Variants in BCAS3 observed in about 807,000 individuals in gnomAD.
The protein encoded by BCAS3 is BCAS3 microtubule associated cell migration factor.
BCAS3 carries 53 observed loss-of-function variants against 116.1 expected under a neutral mutation model. The observed-to-expected ratio is 0.46, with a 90% CI of 0.37 to 0.57. The LOEUF (loss-of-function observed/expected upper bound fraction) is 0.57, where lower values mean the gene tolerates loss of function less well. BCAS3 is among the 20% of genes least tolerant of loss of function. BCAS3 has a pLI of 0.00. For synonymous variants in BCAS3, 391 were observed against 408.2 expected (o/e 0.96, Z 0.51); for missense variants, 917 against 1,165.4 (o/e 0.79, Z 3.10).
rs2073170129 is a variant in BCAS3, at chr17:61,087,332, T to G, written c.2425+2768T>G. 2.1e-6 allele frequency: 1 copy of G among 487,396 alleles called. No homozygotes were observed. 30.2% of individuals were successfully genotyped at this position (487,396 alleles called of 1,614,324 possible). A position where few individuals can be genotyped will look rare whatever the true frequency, so the allele number is the denominator to read the frequency against. ...CATGGATTATCTTCTTAATTATTCC[T>G]ATGGCACATGTTACACCTAACCCTC... On this transcript the variant is annotated intron_variant, in intron 22 of 23. Transcript: ENST00000407086. This position sits in a 1 kb window ranked among gnomAD's most constrained non-coding sequence, Gnocchi z 4.6.
chr17:61,152,701 T>G (rs1486031483), intron 22 of BCAS3, among the ~76,000 whole-genome samples: 1 of 151,938 alleles, frequency 6.6e-6, no homozygotes, highest in Non-Finnish European at 1.5e-5. Flanking sequence ...GATAATAAAG[T>G]CTTAAGGTTA....
At chr17:61,202,513 T>C (rs2080899906) in intron 22 of BCAS3, among the ~76,000 whole-genome samples, 1 of 152,132 alleles carries the variant, frequency 6.6e-6, no homozygotes, top group Non-Finnish European at 1.5e-5. Context: ...AAAATATTAC[T>C]TATTTAATTT....
At chr17:60,947,933 CTA>C (rs1298143038) in intron 14 of BCAS3, among the ~76,000 whole-genome samples, 1 of 151,980 alleles carries the variant, frequency 6.6e-6, no homozygotes, top group Non-Finnish European at 1.5e-5. Context: ...CAAATCAGGG[CTA>C]TTTTTTTCCT....
chr17:60,932,266 G>A (rs1263414031), intron 13 of BCAS3, among the ~76,000 whole-genome samples: 1 of 152,030 alleles, frequency 6.6e-6, no homozygotes, highest in Non-Finnish European at 1.5e-5. Context: ...TATTAGCCCA[G>A]TAGCTTTCAC....
In BCAS3 at chr17:61,380,126, T is replaced by C. The variant is rs1421342088; in HGVS notation, c.2593+11632T>C. The C allele has an allele frequency of 8.2e-6, 2 of 244,268 alleles. No homozygotes were observed. Among genetic ancestry groups the C allele is most frequent in the Non-Finnish European group, 1.6e-5 (2 of 123,298 alleles). The allele number at this position is 244,268 out of a possible 1,614,324, so 15.1% of individuals were successfully genotyped here. A position where few individuals can be genotyped will look rare whatever the true frequency, so the allele number is the denominator to read the frequency against. On this transcript the variant is annotated intron_variant, in intron 23 of 23. Coordinates refer to ENST00000407086, the MANE Select transcript of BCAS3 (RefSeq NM_017679.5). The surrounding 1 kb of genome is among the most constrained non-coding windows in gnomAD (Gnocchi z 4.2). ...TAAGCAGCCCAACCACACACTGCCATGCAGCTTTGAACTTCAGACCTGGTT... is the reference window on the plus strand; with the variant it reads ...TAAGCAGCCCAACCACACACTGCCACGCAGCTTTGAACTTCAGACCTGGTT...
chr17:61,391,704 G>GT lies in BCAS3; in HGVS notation c.2594-272dup, dbSNP rs2143697918. On this transcript the variant is annotated intron_variant, in intron 23 of 23. Coordinates refer to ENST00000407086, the MANE Select transcript of BCAS3 (RefSeq NM_017679.5). This position sits in a 1 kb window ranked among gnomAD's most constrained non-coding sequence, Gnocchi z 7.7. The stretch of plus-strand genomic sequence containing the variant: ...TGTGTAGTCCACACACATCGTCAGG[G>GT]TGGCCGTGCTTCGGGCCTAAAGGGC... The GT allele has an allele frequency of 2.2e-6, 1 of 462,286 alleles. No homozygotes were observed. The highest frequency in any genetic ancestry group is 2.0e-5 in the African/African-American group (1 of 50,574). The allele number at this position is 462,286 out of a possible 1,614,324, so 28.6% of individuals were successfully genotyped here. A position where few individuals can be genotyped will look rare whatever the true frequency, so the allele number is the denominator to read the frequency against.
In BCAS3 at chr17:60,714,056, C is replaced by T. The variant is rs920380080; in HGVS notation, c.321+4731C>T. Among the ~76,000 whole-genome samples the T allele has an allele frequency of 5.3e-5, 8 of 152,028 alleles. No homozygotes were observed. In the South Asian group the frequency reaches 8.3e-4, roughly 16 times the overall value. ...TTCACCATGTTGGCCAGGCTGGTTT[C>T]GAACTCCTGACCTCAAGTGATCTAC... On this transcript the variant is annotated intron_variant, in intron 5 of 23. Coordinates refer to ENST00000407086, the MANE Select transcript of BCAS3 (RefSeq NM_017679.5).
intron 19 of BCAS3, among the ~76,000 whole-genome samples, chr17:61,048,746 A>T (rs970557503): frequency 5.3e-5 from 8 of 152,060 alleles, no homozygotes; most frequent in African/African-American, 1.9e-4. Context: ...CAGAGAAAAA[A>T]TGCTGAAGAC....
intron 13 of BCAS3, among the ~76,000 whole-genome samples, chr17:60,925,128 C>T (rs1293803040): frequency 6.6e-6 from 1 of 151,884 alleles, no homozygotes; most frequent in Non-Finnish European, 1.5e-5. Context: ...ACTATGCTGC[C>T]CAGGCTGGTC....
rs914947035 is a variant in BCAS3, at chr17:61,248,129, G to A, written c.2426-120198G>A. On this transcript the variant is annotated intron_variant, in intron 22 of 23. Coordinates refer to ENST00000407086, the MANE Select transcript of BCAS3 (RefSeq NM_017679.5). This position sits in a 1 kb window ranked among gnomAD's most constrained non-coding sequence, Gnocchi z 4.3. ...CTTTTGAATTAGCTTCTTTTGGAGA[G>A]CTTTCTGCTTTTCTGAGCACTTCTT... Among the ~76,000 whole-genome samples the A allele has an allele frequency of 2.6e-5, 4 of 152,180 alleles. No individual in the cohort carries two copies. Among genetic ancestry groups the A allele is most frequent in the African/African-American group, 9.7e-5 (4 of 41,442 alleles).
intron 7 of BCAS3, among the ~76,000 whole-genome samples, chr17:60,820,969 G>A (rs967817521): frequency 3.3e-5 from 5 of 151,752 alleles, no homozygotes; most frequent in Non-Finnish European, 7.4e-5. Context: ...TTTTTGAGAC[G>A]GAGTTTTGCT....
At chr17:60,973,145 G>A (rs938854267) in intron 14 of BCAS3, among the ~76,000 whole-genome samples, 3 of 152,118 alleles carry the variant, frequency 2.0e-5, no homozygotes, top group African/African-American at 7.2e-5. Context: ...TTGGCTGAAT[G>A]ATGTCTATGT....
At position 61,381,516 on chromosome 17, in the gene BCAS3, G is replaced by A. The variant is rs73993478; in HGVS notation, c.2594-10461G>A. On this transcript the variant is annotated intron_variant, in intron 23 of 23. Transcript: ENST00000407086. The surrounding 1 kb of genome is among the most constrained non-coding windows in gnomAD (Gnocchi z 6.0). Reference sequence around the variant, plus strand: ...GCCCCAACACCATTCCTTTGGCTAGGCTTGGCCTAGAACACTAGACCAAGA... The same window carrying A: ...GCCCCAACACCATTCCTTTGGCTAGACTTGGCCTAGAACACTAGACCAAGA... Among the ~76,000 whole-genome samples the A allele has an allele frequency of 8.2e-3, 1,253 of 152,240 alleles. 14 individuals are homozygous for A. Among genetic ancestry groups the A allele is most frequent in the African/African-American group, 0.029 (1,198 of 41,524 alleles).
intron 11 of BCAS3, among the ~76,000 whole-genome samples, chr17:60,906,422 A>G (rs909163795): frequency 3.3e-5 from 5 of 152,074 alleles, no homozygotes; most frequent in African/African-American, 1.2e-4. Flanking sequence ...CTTCTATTGT[A>G]TATTTCTTTA....
chr17:60,715,873 A>T (rs1220834842), intron 5 of BCAS3, among the ~76,000 whole-genome samples: 3 of 149,458 alleles, frequency 2.0e-5, no homozygotes, highest in Admixed American at 6.7e-5. Context: ...ATTTTATTTT[A>T]TTTTTTTGAG....
chr17:61,117,873 T>G (rs886603602), intron 22 of BCAS3, among the ~76,000 whole-genome samples: 2 of 152,180 alleles, frequency 1.3e-5, no homozygotes, highest in Admixed American at 1.3e-4. Flanking sequence ...TATATTATTA[T>G]TACCCAAAGT....
chr17:61,142,314 A>T (rs2076967747), intron 22 of BCAS3, among the ~76,000 whole-genome samples: 2 of 152,202 alleles, frequency 1.3e-5, no homozygotes, highest in Non-Finnish European at 2.9e-5. Context: ...TAACTACTAT[A>T]GTACAGCGGC....
intron 22 of BCAS3, among the ~76,000 whole-genome samples, chr17:61,298,648 A>T (rs950370891): frequency 6.6e-6 from 1 of 152,174 alleles, no homozygotes; most frequent in East Asian, 1.9e-4. Flanking sequence ...TCCAAAAGGG[A>T]GCCAGAATCC....
rs1351184031 is a variant in BCAS3 at position 61,313,379 on chromosome 17, A to T, written c.2426-54948A>T. Among the ~76,000 whole-genome samples the T allele has an allele frequency of 6.6e-6, 1 of 152,204 alleles. No homozygotes were observed. The highest frequency in any genetic ancestry group is 1.5e-5 in the Non-Finnish European group (1 of 68,032). On this transcript the variant is annotated intron_variant, in intron 22 of 23. Coordinates refer to ENST00000407086, the MANE Select transcript of BCAS3 (RefSeq NM_017679.5). This position sits in a 1 kb window ranked among gnomAD's most constrained non-coding sequence, Gnocchi z 4.3. ...AATCTGCGGTTCTACTTAAAATATG[A>T]GGAAACATCTGGAATATTAGTTTTC... is the stretch of plus-strand genomic sequence containing the variant.
Sources: gnomAD v4.1 joint callset for allele counts (sites outside exome capture counted in the v4.1 genomes callset) on GRCh38, gnomAD v4.1.1 for gene constraint, Gnocchi (gnomAD v3.1) non-coding constraint, MANE v1.5 for transcripts, NCBI Gene and HGNC (gene_info 2026-07-23, HGNC 2026-07-21) for gene names.